The following HELZ variants were observed in gnomAD, a reference collection of about 807,000 sequenced individuals.
HELZ encodes helicase with zinc finger, also known as ATP-dependent RNA helicase with zinc finger domain.
Under a neutral mutation model 218.2 loss-of-function variants are expected in HELZ, and 23 were observed. That is an observed-to-expected ratio of 0.11 (90% CI 0.08 to 0.15). The LOEUF is 0.15. HELZ is among the 10% of genes least tolerant of loss of function. HELZ has a pLI of 1.00. For synonymous variants in HELZ, 814 were observed against 829.4 expected, an observed-to-expected ratio of 0.98 and a Z score of 0.32; for missense variants, 1,813 against 2,353.7, an observed-to-expected ratio of 0.77 and a Z score of 4.75.
intron 2 of HELZ, among the ~76,000 whole-genome samples, chr17:67,242,545 CACACATATAT>C (rs2041352082): frequency 7.6e-6 from 1 of 131,432 alleles, no homozygotes; most frequent in Non-Finnish European, 1.7e-5. Flanking sequence ...TGTATATATA[CACACATATAT>C]GTATATATAC....
At chr17:67,217,932 T>G (rs1394637549) in intron 4 of HELZ, among the ~76,000 whole-genome samples, 1 of 148,270 alleles carries the variant, frequency 6.7e-6, no homozygotes, top group Non-Finnish European at 1.5e-5. Flanking sequence ...TTTTTGTTGT[T>G]TTTTTTTTTT....
chr17:67,148,602 C>T lies in HELZ; in HGVS notation c.2588G>A (p.Cys863Tyr), dbSNP rs2038581787. Residue 863 changes from cysteine to tyrosine, a missense_variant, in exon 20 of 33, where the codon TGT becomes TAT. Around this residue, in one of 4 missense-constraint regions of HELZ, gnomAD observed 5 missense variants for 22.6 expected, o/e 0.22. Coordinates refer to ENST00000358691, the MANE Select transcript of HELZ (RefSeq NM_014877.4). ...AGCTTCATGGGAGCGGTAGTTCTCA[C>T]ACAGGAGAATCCTACATGGGAACTC... ...PAEFPCRILL[C>Y]ENYRSHEAII... The T allele has an allele frequency of 6.2e-7, 1 of 1,613,500 alleles. No homozygotes were observed. Among genetic ancestry groups the T allele is most frequent in the Admixed American group, 1.7e-5 (1 of 59,916 alleles).
chr17:67,224,861 G>A (rs2040848268), intron 3 of HELZ: 1 of 864,800 alleles, frequency 1.2e-6, no homozygotes, highest in African/African-American at 1.7e-5. Flanking sequence ...ATGAAACAGA[G>A]TGGCTATGGT....
At chr17:67,151,415 C>CA (rs927019275) in intron 17 of HELZ, among the ~76,000 whole-genome samples, 191 bp from the exon 18 acceptor site, 10 of 151,876 alleles carry the variant, frequency 6.6e-5, no homozygotes, top group Admixed American at 5.9e-4. Flanking sequence ...GACTCTCTAC[C>CA]AAAAAAATGA....
chr17:67,245,544 G>A, upstream of HELZ: 4 of 983,056 alleles, frequency 4.1e-6, no homozygotes, highest in Non-Finnish European at 4.8e-6. Context: ...CCGCGGCGCG[G>A]CGCGGAGCTG....
At chr17:67,198,314 C>T (rs2040083671) in intron 7 of HELZ, among the ~76,000 whole-genome samples, 1 of 152,162 alleles carries the variant, frequency 6.6e-6, no homozygotes, top group South Asian at 2.1e-4. Flanking sequence ...CAGTGACGAC[C>T]CGCACGGGCC....
At chr17:67,189,719 G>T in intron 10 of HELZ, 23 bp from the exon 11 acceptor site, 1 of 1,456,940 alleles carries the variant, frequency 6.9e-7, no homozygotes, top group Non-Finnish European at 9.6e-7. Flanking sequence ...AGCAATTTAT[G>T]TTATGTTTTT....
In HELZ at chr17:67,188,396, C is replaced by T. The variant is rs771405149; in HGVS notation, c.1085G>A (p.Arg362His). 5 of 1,613,730 alleles carry T rather than the reference C, an allele frequency of 3.1e-6. No individual in the cohort carries two copies. In the East Asian group the frequency reaches 6.7e-5, roughly 22 times the overall value. Reference sequence around the variant, plus strand: ...TCCAAAGTCGAAAACTATGGTTTGGCGAAAAGTTCCAAATATTTCTGTGTT... The same window carrying T: ...TCCAAAGTCGAAAACTATGGTTTGGTGAAAAGTTCCAAATATTTCTGTGTT... ...AFNTEIFGTF[R>H]QTIVFDFGLE... Residue 362 changes from arginine to histidine, a missense_variant, in exon 12 of 33, where the codon CGC (arginine) becomes CAC (histidine). Physicochemically the swap from Arg to His is conservative, Grantham distance 29 (BLOSUM62 0). Coordinates refer to ENST00000358691, the MANE Select transcript of HELZ (RefSeq NM_014877.4). This position sits in a 1 kb window ranked among gnomAD's most constrained non-coding sequence, Gnocchi z 4.1.
At chr17:67,164,362 A>G (rs1287808153) in intron 15 of HELZ, among the ~76,000 whole-genome samples, 1 of 152,326 alleles carries the variant, frequency 6.6e-6, no homozygotes. Context: ...GCTGGACTCA[A>G]TCTTAAAGGA....
rs776345522 is a variant in HELZ at position 67,178,860 on chromosome 17, G to C, written c.1229C>G (p.Ser410Cys). Residue 410 changes from serine to cysteine, a missense_variant, in exon 13 of 33, where the codon TCT becomes TGT. Physicochemically the swap from Ser to Cys is moderately radical, Grantham distance 112. This residue lies in a region of HELZ where 714 missense variants were observed against 1,029.2 expected (regional missense o/e 0.69). Transcript: ENST00000358691. ...AGGTTCAAAATCTATAATAGTCTTA[G>C]AGGAAGAATCCCAACGTTTAGCTGT... The part of the protein sequence containing the change: ...VTTAKRWDSS[S>C]KTIIDFEPNE... 1.2e-6 allele frequency: 2 copies of C among 1,613,124 alleles called. No homozygotes were observed. Among genetic ancestry groups the C allele is most frequent in the Non-Finnish European group, 1.7e-6 (2 of 1,179,312 alleles).
intron 3 of HELZ, among the ~76,000 whole-genome samples, chr17:67,231,501 G>A (rs1235640364): frequency 4.0e-5 from 6 of 151,400 alleles, no homozygotes; most frequent in East Asian, 3.9e-4. Context: ...GTTGAGGAAG[G>A]AGAATGGCGT....
chr17:67,238,691 AAAT>A (rs1480340155), intron 3 of HELZ, among the ~76,000 whole-genome samples: 2 of 152,200 alleles, frequency 1.3e-5, no homozygotes, highest in Non-Finnish European at 1.5e-5. Flanking sequence ...CGTCTCAAAA[AAAT>A]AATAATAATT....
chr17:67,157,431 T>C (rs1045382477), intron 17 of HELZ, among the ~76,000 whole-genome samples: 4 of 152,238 alleles, frequency 2.6e-5, no homozygotes, highest in Non-Finnish European at 4.4e-5. Context: ...CTTGAAAGCA[T>C]AATATTCTAG....
chr17:67,150,394 G>C (rs1484749788), intron 18 of HELZ, among the ~76,000 whole-genome samples: 2 of 152,022 alleles, frequency 1.3e-5, no homozygotes, highest in African/African-American at 2.4e-5. Flanking sequence ...CTCCCAAAGT[G>C]CTGGGATTAC....
intron 13 of HELZ, among the ~76,000 whole-genome samples, chr17:67,170,522 A>C (rs897873676): frequency 6.6e-6 from 1 of 151,986 alleles, no homozygotes; most frequent in African/African-American, 2.4e-5. Context: ...TCTAAACTAA[A>C]TAAATAAATA....
intron 17 of HELZ, among the ~76,000 whole-genome samples, chr17:67,159,865 A>T (rs2038948203): frequency 6.6e-6 from 1 of 152,174 alleles, no homozygotes; most frequent in South Asian, 2.1e-4. Context: ...ATCACAGCCA[A>T]AATTTTATTT....
intron 4 of HELZ, 100 bp downstream of exon 4, chr17:67,218,495 C>A (rs1273921649): frequency 8.8e-6 from 8 of 906,778 alleles, no homozygotes; most frequent in Non-Finnish European, 1.4e-5. Context: ...ACTTCACTCA[C>A]ATCTCTTTGG....
intron 23 of HELZ, among the ~76,000 whole-genome samples, chr17:67,133,042 C>T (rs2143919850): frequency 6.6e-6 from 1 of 152,208 alleles, no homozygotes; most frequent in South Asian, 2.1e-4. Flanking sequence ...GAGATTAAAG[C>T]TTAAATATCC....
At chr17:67,119,588 G>A (rs1040714399) in intron 27 of HELZ, among the ~76,000 whole-genome samples, 7 of 152,210 alleles carry the variant, frequency 4.6e-5, no homozygotes, top group Admixed American at 1.3e-4. Context: ...ATCAATGTAC[G>A]TTTTAAAAGG....
Sources: allele counts gnomAD v4.1 joint callset (sites outside exome capture counted in the v4.1 genomes callset), GRCh38; gene constraint gnomAD v4.1.1; regional missense constraint gnomAD v4.1.1; non-coding constraint Gnocchi (gnomAD v3.1); transcripts MANE v1.5; gene names NCBI Gene and HGNC (gene_info 2026-07-23, HGNC 2026-07-21).